Variants in ZNF710 observed in about 807,000 individuals in gnomAD.
ZNF710 encodes the protein zinc finger protein 710.
Under a neutral mutation model 50.6 loss-of-function variants are expected in ZNF710, and 13 were observed. The observed-to-expected ratio is 0.26, with a 90% CI of 0.17 to 0.41. ZNF710 has a LOEUF of 0.41. Among genes scored for constraint, ZNF710 ranks in the 10% least tolerant of loss-of-function variants. The pLI is 1.00. For synonymous variants in ZNF710, 383 were observed against 397.0 expected (o/e 0.96, Z 0.42); for missense variants, 721 against 936.6 (o/e 0.77, Z 3.01).
intron 1 of ZNF710, among the ~76,000 whole-genome samples, chr15:90,033,481 GA>G (rs1045952722): frequency 3.9e-5 from 6 of 152,324 alleles, no homozygotes; most frequent in African/African-American, 1.4e-4. Context: ...AGTTCAGGCA[GA>G]AAGGGGTTGG....
intron 1 of ZNF710, among the ~76,000 whole-genome samples, chr15:90,060,217 C>T (rs1248906979): frequency 6.6e-6 from 1 of 152,110 alleles, no homozygotes; most frequent in Non-Finnish European, 1.5e-5. Context: ...CTTCTATCTA[C>T]CCACAAGCAA....
intron 1 of ZNF710, among the ~76,000 whole-genome samples, chr15:90,019,619 G>A (rs1299601077): frequency 2.0e-5 from 3 of 152,210 alleles, no homozygotes; most frequent in Non-Finnish European, 2.9e-5. Context: ...GGTCATACAG[G>A]TTGGCTGAGA....
intron 1 of ZNF710, among the ~76,000 whole-genome samples, chr15:90,008,427 T>TATATATATATATAC (rs1898197214): frequency 7.4e-6 from 1 of 135,092 alleles, no homozygotes; most frequent in Non-Finnish European, 1.5e-5. Flanking sequence ...TGTGTGTGTG[T>TATATATATATATAC]ATATATATAT....
chr15:90,039,937 T>C (rs189221116), intron 1 of ZNF710, among the ~76,000 whole-genome samples: 52 of 135,858 alleles, frequency 3.8e-4, no homozygotes, highest in Admixed American at 1.3e-3. Flanking sequence ...CTCTCAACTT[T>C]TTCATATGCT....
chr15:90,064,207 CA>C (rs1476205317), intron 1 of ZNF710, among the ~76,000 whole-genome samples: 1 of 152,258 alleles, frequency 6.6e-6, no homozygotes, highest in Non-Finnish European at 1.5e-5. Context: ...GCGTGCTCTG[CA>C]AAACTGACAG....
intron 1 of ZNF710, among the ~76,000 whole-genome samples, chr15:90,019,000 AT>A (rs5814408): frequency 4.0e-5 from 6 of 149,982 alleles, no homozygotes; most frequent in Admixed American, 1.3e-4. Context: ...GCTTTTATTG[AT>A]TTTTTTTTCT....
chr15:90,032,963 C>T (rs1161032583), intron 1 of ZNF710, among the ~76,000 whole-genome samples: 3 of 152,060 alleles, frequency 2.0e-5, no homozygotes, highest in Non-Finnish European at 4.4e-5. Flanking sequence ...CTAGAATTTT[C>T]ACTTAAGAGG....
At chr15:90,000,986 G>GA (rs1008052330), upstream of ZNF710, among the ~76,000 whole-genome samples, 32 of 140,854 alleles carry the variant, frequency 2.3e-4, no homozygotes, top group African/African-American at 3.1e-4. Flanking sequence ...GCTGAGAGGA[G>GA]AAAAAAAAAA....
intron 1 of ZNF710, among the ~76,000 whole-genome samples, chr15:90,051,436 C>G (rs901824894): frequency 3.9e-5 from 6 of 152,008 alleles, no homozygotes; most frequent in Admixed American, 1.3e-4. Context: ...GAGTTCAAGA[C>G]CAGCCTGGCC....
intron 2 of ZNF710, 117 bp from the exon 3 acceptor site, chr15:90,072,954 C>G: frequency 9.4e-7 from 1 of 1,067,330 alleles, no homozygotes; most frequent in Non-Finnish European, 1.3e-6. Flanking sequence ...AGAGACATTT[C>G]CCAGAAAGTG....
At chr15:90,018,089 C>T (rs1291834043) in intron 1 of ZNF710, among the ~76,000 whole-genome samples, 6 of 152,202 alleles carry the variant, frequency 3.9e-5, no homozygotes, top group Middle Eastern at 3.4e-3. Flanking sequence ...GTAACATCAG[C>T]TGTGTTCTTT....
At chr15:90,014,813 A>G (rs1898406480) in intron 1 of ZNF710, among the ~76,000 whole-genome samples, 1 of 152,000 alleles carries the variant, frequency 6.6e-6, no homozygotes. Flanking sequence ...TTTGCAACAT[A>G]TATCATGGAG....
At chr15:90,073,922 A>C (rs755219709) in intron 3 of ZNF710, among the ~76,000 whole-genome samples, 194 bp from the exon 4 acceptor site, 1 of 149,040 alleles carries the variant, frequency 6.7e-6, no homozygotes, top group Non-Finnish European at 1.5e-5. Flanking sequence ...CCCAGGAGGC[A>C]GAAGTTGCAG....
chr15:90,013,210 C>T (rs974435105), intron 1 of ZNF710, among the ~76,000 whole-genome samples: 3 of 152,184 alleles, frequency 2.0e-5, no homozygotes, highest in Non-Finnish European at 4.4e-5. Context: ...AAGTGATTCT[C>T]CTGGCTCAGT....
rs1437796973 is a variant in ZNF710 at position 90,062,399 on chromosome 15, G to T, written c.-28-4711G>T. ...CCAGCCAGTGGTCGCCCCTCATCTT[G>T]CCAGCCTGGGGCAGTCTGAGCTCCC... On this transcript the variant is annotated intron_variant, in intron 1 of 4. Coordinates refer to ENST00000268154, the MANE Select transcript of ZNF710 (RefSeq NM_198526.4). This position sits in a 1 kb window ranked among gnomAD's most constrained non-coding sequence, Gnocchi z 5.6. 1.3e-5 allele frequency among the ~76,000 whole-genome samples: 2 copies of T among 152,098 alleles called. No homozygotes were observed. The highest frequency in any genetic ancestry group is 6.5e-5 in the Admixed American group (1 of 15,278).
At chr15:90,056,589 C>T (rs1405035100) in intron 1 of ZNF710, among the ~76,000 whole-genome samples, 1 of 152,198 alleles carries the variant, frequency 6.6e-6, no homozygotes, top group Non-Finnish European at 1.5e-5. Context: ...GGGTCTTCAG[C>T]AAGGCCACCA....
At position 90,067,955 on chromosome 15, in the gene ZNF710, G is replaced by A. The variant is rs1389829202; in HGVS notation, c.818G>A (p.Arg273Gln). Residue 273 changes from arginine to glutamine, a missense_variant, in exon 2 of 5, where the codon CGG becomes CAG. Transcript: ENST00000268154. The surrounding 1 kb of genome is among the most constrained non-coding windows in gnomAD (Gnocchi z 8.1). ...CGCCACAAGAAGGCCCAGCTGGATC[G>A]GCTGGACATCAACGTGCAGATTGAC... ...VERHKKAQLD[R>Q]LDINVQIDDS... 6.2e-7 allele frequency: 1 copy of A among 1,614,098 alleles called. No individual in the cohort carries two copies. The highest frequency in any genetic ancestry group is 8.5e-7 in the Non-Finnish European group (1 of 1,180,042).
At chr15:90,042,854 C>T (rs1047954852) in intron 1 of ZNF710, among the ~76,000 whole-genome samples, 1 of 152,204 alleles carries the variant, frequency 6.6e-6, no homozygotes, top group Non-Finnish European at 1.5e-5. Context: ...TTGCACCCAG[C>T]CTTTGGGTCT....
At chr15:90,037,289 G>C (rs1416024170) in intron 1 of ZNF710, among the ~76,000 whole-genome samples, 1 of 152,202 alleles carries the variant, frequency 6.6e-6, no homozygotes, top group African/African-American at 2.4e-5. Context: ...GAAAGTCCCT[G>C]GTCCAGCCTG....
Sources: gnomAD v4.1 joint callset for allele counts (sites outside exome capture counted in the v4.1 genomes callset) on GRCh38, gnomAD v4.1.1 for gene constraint, Gnocchi (gnomAD v3.1) non-coding constraint, MANE v1.5 for transcripts, NCBI Gene and HGNC (gene_info 2026-07-23, HGNC 2026-07-21) for gene names.